The following DPYSL2 variants were observed in gnomAD, a reference collection of about 807,000 sequenced individuals.
DPYSL2 encodes the protein dihydropyrimidinase like 2, also known as dihydropyrimidinase-related protein 2.
In DPYSL2, 13 loss-of-function variants were observed where a neutral mutation model predicts 69.9. The ratio of observed to expected loss-of-function variants is 0.19; its 90% CI spans 0.12 to 0.30. The LOEUF (loss-of-function observed/expected upper bound fraction) is 0.30, where lower values mean the gene tolerates loss of function less well. Among genes scored for constraint, DPYSL2 ranks in the 10% least tolerant of loss-of-function variants. DPYSL2 has a pLI of 1.00. For synonymous variants in DPYSL2, 326 were observed against 359.1 expected, an observed-to-expected ratio of 0.91 and a Z score of 1.04; for missense variants, 587 against 918.9, an observed-to-expected ratio of 0.64 and a Z score of 4.67.
rs116232234 is a variant in DPYSL2 at position 26,594,851 on chromosome 8, G to A, written c.628+10868G>A. Among the ~76,000 whole-genome samples, 287 of 152,202 alleles carry A rather than the reference G, an allele frequency of 1.9e-3. 1 individual carries two copies. Among genetic ancestry groups the A allele is most frequent in the African/African-American group, 6.4e-3 (265 of 41,528 alleles). ...TTCAAGCCTATGTACATGAGTTTGCGTTTTGAACATAGCAGGAAAAACAAC... is the reference window on the plus strand; with the variant it reads ...TTCAAGCCTATGTACATGAGTTTGCATTTTGAACATAGCAGGAAAAACAAC... On this transcript the variant is annotated intron_variant, in intron 3 of 13. Transcript: ENST00000521913.
At position 26,644,214 on chromosome 8, in the gene DPYSL2, A is replaced by G; in HGVS notation, c.1425+123A>G. The G allele has an allele frequency of 1.7e-6, 2 of 1,153,390 alleles. No homozygotes were observed. The highest frequency in any genetic ancestry group is 2.4e-6 in the Non-Finnish European group (2 of 846,874). The allele number at this position is 1,153,390 out of a possible 1,614,324, so 71.4% of individuals were successfully genotyped here. A position where few individuals can be genotyped will look rare whatever the true frequency, so the allele number is the denominator to read the frequency against. ...AGTGGAGGACATCCTAGAAGCCAGT[A>G]CTTATATGACAATATTTCTGAGGGT... On this transcript the variant is annotated intron_variant, in intron 10 of 13. Transcript: ENST00000521913. This position sits in a 1 kb window ranked among gnomAD's most constrained non-coding sequence, Gnocchi z 4.5.
chr8:26,557,367 C>G (rs1202566564), intron 1 of DPYSL2, among the ~76,000 whole-genome samples: 3 of 151,770 alleles, frequency 2.0e-5, no homozygotes, highest in Non-Finnish European at 4.4e-5. Flanking sequence ...AAACAAACAC[C>G]CAATAGAAAA....
intron 7 of DPYSL2, among the ~76,000 whole-genome samples, chr8:26,629,076 C>T (rs913767176): frequency 6.6e-6 from 1 of 152,166 alleles, no homozygotes; most frequent in Non-Finnish European, 1.5e-5. Context: ...GGAGTCAAGA[C>T]AGGCAGAAAG....
chr8:26,595,815 T>C (rs1461437096), intron 3 of DPYSL2, among the ~76,000 whole-genome samples: 2 of 152,058 alleles, frequency 1.3e-5, no homozygotes, highest in East Asian at 3.9e-4. Flanking sequence ...CCTTCCTCTT[T>C]TGTAGTGTCA....
chr8:26,631,586 C>T (rs1467448585), intron 7 of DPYSL2, among the ~76,000 whole-genome samples: 5 of 152,290 alleles, frequency 3.3e-5, no homozygotes, highest in Admixed American at 2.6e-4. Context: ...CGTGATTAGG[C>T]CCAGCAGCTG....
intron 11 of DPYSL2, among the ~76,000 whole-genome samples, chr8:26,651,755 A>G (rs1387684359): frequency 1.3e-5 from 2 of 152,234 alleles, no homozygotes; most frequent in Non-Finnish European, 2.9e-5. Flanking sequence ...TATCGGAGGC[A>G]TGTCTCTTCA....
intron 1 of DPYSL2, among the ~76,000 whole-genome samples, chr8:26,547,053 C>T (rs1023875867): frequency 7.9e-5 from 12 of 151,086 alleles, no homozygotes; most frequent in African/African-American, 2.9e-4. Context: ...GTGAGACAAG[C>T]CCATACACAG....
intron 3 of DPYSL2, among the ~76,000 whole-genome samples, chr8:26,599,814 T>A (rs2129809427): frequency 6.6e-6 from 1 of 152,276 alleles, no homozygotes; most frequent in East Asian, 1.9e-4. Context: ...ACTCAGTGCT[T>A]TTTAGTATAT....
Position 26,559,350 on chromosome 8 carries a change from G to A in DPYSL2, c.355-22619G>A, listed in dbSNP as rs376235026. Among the ~76,000 whole-genome samples, 15 of 152,262 alleles carry A rather than the reference G, an allele frequency of 9.9e-5. No individual in the cohort carries two copies. In the East Asian group the frequency reaches 2.9e-3, roughly 29 times the overall value. ...AAGAAACTTCTGTATCAAGAATTAT[G>A]CACATTAAAAATTTTAATCATATTT... On this transcript the variant is annotated intron_variant, in intron 1 of 13. Coordinates refer to ENST00000521913, the MANE Select transcript of DPYSL2 (RefSeq NM_001197293.3).
intron 3 of DPYSL2, among the ~76,000 whole-genome samples, chr8:26,608,909 G>T (rs889918854): frequency 5.9e-5 from 9 of 152,186 alleles, no homozygotes; most frequent in Non-Finnish European, 1.3e-4. Flanking sequence ...TCTTTATTTG[G>T]AGGGGATGCA....
chr8:26,528,838 A>C (rs1800429616), intron 1 of DPYSL2, among the ~76,000 whole-genome samples: 1 of 152,022 alleles, frequency 6.6e-6, no homozygotes, highest in Non-Finnish European at 1.5e-5. Flanking sequence ...GGAATAGGAG[A>C]GGAAGGGTAA....
rs1270053601 is a variant in DPYSL2 at position 26,571,136 on chromosome 8, G to A, written c.355-10833G>A. On this transcript the variant is annotated intron_variant, in intron 1 of 13. Transcript: ENST00000521913. This position sits in a 1 kb window ranked among gnomAD's most constrained non-coding sequence, Gnocchi z 6.1. ...TGGTGAGTGGACCCCTCACTAGGTA[G>A]GGAGTGAGCCCTTCCTCCTAGTCCA... 6.6e-6 allele frequency among the ~76,000 whole-genome samples: 1 copy of A among 152,216 alleles called. No individual in the cohort carries two copies. Among genetic ancestry groups the A allele is most frequent in the Non-Finnish European group, 1.5e-5 (1 of 68,046 alleles).
At chr8:26,628,091 C>T in intron 7 of DPYSL2, 151 bp downstream of exon 7, 2 of 765,166 alleles carry the variant, frequency 2.6e-6, no homozygotes, top group East Asian at 2.7e-5. Context: ...GTGTGTCTGT[C>T]TGTCTACGCA....
At position 26,643,568 on chromosome 8, in the gene DPYSL2, C is replaced by T. The variant is rs1803099773; in HGVS notation, c.1256C>T (p.Pro419Leu). 1 of 1,614,204 alleles carries T rather than the reference C, an allele frequency of 6.2e-7. No individual in the cohort carries two copies. Among genetic ancestry groups the T allele is most frequent in the Admixed American group, 1.7e-5 (1 of 60,020 alleles). ...SPPLSPDPTT[P>L]DFLNSLLSCG... Reference sequence around the variant, plus strand: ...CCCTTGAGCCCTGATCCAACCACTCCAGACTTTCTCAACTCCTTGCTGTCC... The same window carrying T: ...CCCTTGAGCCCTGATCCAACCACTCTAGACTTTCTCAACTCCTTGCTGTCC... Residue 419 changes from proline to leucine, a missense_variant, in exon 9 of 14, where the codon CCA (proline) becomes CTA (leucine). Physicochemically the swap from Pro to Leu is moderately conservative, Grantham distance 98. Around this residue, in one of 3 missense-constraint regions of DPYSL2, gnomAD observed 452 missense variants for 754.3 expected, o/e 0.60. Coordinates refer to ENST00000521913, the MANE Select transcript of DPYSL2 (RefSeq NM_001197293.3). This position sits in a 1 kb window ranked among gnomAD's most constrained non-coding sequence, Gnocchi z 6.5.
intron 3 of DPYSL2, among the ~76,000 whole-genome samples, chr8:26,616,884 C>T (rs1802365392): frequency 6.6e-6 from 1 of 152,022 alleles, no homozygotes; most frequent in African/African-American, 2.4e-5. Context: ...CCCTTCTATT[C>T]CACGTGTGTA....
Position 26,514,163 on chromosome 8 carries a change from G to A in DPYSL2, c.-163G>A. 1 of 513,860 alleles carries A rather than the reference G, an allele frequency of 1.9e-6. No individual in the cohort carries two copies. The highest frequency in any genetic ancestry group is 3.1e-6 in the Non-Finnish European group (1 of 319,034). 31.8% of individuals were successfully genotyped at this position (513,860 alleles called of 1,614,324 possible). A position where few individuals can be genotyped will look rare whatever the true frequency, so the allele number is the denominator to read the frequency against. ...GGTCAGGGGGAGGGACCGGGAGGGT[G>A]GGTCGCCGGCTCGCCAGCCCTCCTT... On this transcript the variant is annotated 5_prime_UTR_variant, in exon 1 of 14. Transcript: ENST00000521913. The surrounding 1 kb of genome is among the most constrained non-coding windows in gnomAD (Gnocchi z 8.4).
intron 7 of DPYSL2, among the ~76,000 whole-genome samples, chr8:26,629,787 G>T (rs1183463498): frequency 1.3e-5 from 2 of 152,126 alleles, no homozygotes; most frequent in Non-Finnish European, 2.9e-5. Context: ...GGAGAACGGG[G>T]TCTCACTATA....
intron 8 of DPYSL2, among the ~76,000 whole-genome samples, 178 bp downstream of exon 8, chr8:26,635,078 T>C (rs1415660037): frequency 6.6e-6 from 1 of 152,224 alleles, no homozygotes; most frequent in Non-Finnish European, 1.5e-5. Flanking sequence ...CCTCCTCTGC[T>C]CCACTGCTGC....
At chr8:26,634,941 GT>G (rs1563420480) in intron 8 of DPYSL2, 41 bp downstream of exon 8, 1 of 1,611,110 alleles carries the variant, frequency 6.2e-7, no homozygotes, top group South Asian at 1.1e-5. Flanking sequence ...AGGTGGGGAG[GT>G]TTGGAGGGGA....
Sources: allele counts gnomAD v4.1 joint callset (sites outside exome capture counted in the v4.1 genomes callset), GRCh38; gene constraint gnomAD v4.1.1; regional missense constraint gnomAD v4.1.1; non-coding constraint Gnocchi (gnomAD v3.1); transcripts MANE v1.5; gene names NCBI Gene and HGNC (gene_info 2026-07-23, HGNC 2026-07-21).